The following RB1 variants were observed in gnomAD, a reference collection of about 807,000 sequenced individuals.
RB1 encodes RB transcriptional corepressor 1.
In RB1, 18 loss-of-function variants were observed where a neutral mutation model predicts 135.4. That is an observed-to-expected ratio of 0.13 (90% CI 0.09 to 0.20). The LOEUF (loss-of-function observed/expected upper bound fraction) is 0.20. Among genes scored for constraint, RB1 ranks in the 10% least tolerant of loss-of-function variants. The pLI, the probability that RB1 is intolerant of heterozygous loss-of-function variation, is 1.00. For synonymous variants in RB1, 365 were observed against 373.2 expected (o/e 0.98, Z 0.25); for missense variants, 868 against 1,110.0 (o/e 0.78, Z 3.10).
intron 17 of RB1, among the ~76,000 whole-genome samples, chr13:48,432,610 C>T (rs530922919): frequency 7.4e-4 from 113 of 152,154 alleles, no homozygotes; most frequent in African/African-American, 2.7e-3. Flanking sequence ...TGGTTAGCAT[C>T]CTGTTTACCT....
intron 1 of RB1, 84 bp from the exon 2 acceptor site, chr13:48,307,196 T>A: frequency 8.9e-7 from 1 of 1,117,456 alleles, no homozygotes; most frequent in Non-Finnish European, 1.4e-6. Flanking sequence ...AGTAGTGTTA[T>A]GTGCAAACTA....
chr13:48,321,716 C>T (rs1952243318), intron 2 of RB1, among the ~76,000 whole-genome samples: 2 of 152,072 alleles, frequency 1.3e-5, no homozygotes, highest in Non-Finnish European at 2.9e-5. Flanking sequence ...ATTAGCTGGG[C>T]GTGGTGGCAT....
intron 19 of RB1, among the ~76,000 whole-genome samples, 195 bp from the exon 20 acceptor site, chr13:48,459,493 G>A (rs1006069241): frequency 2.6e-5 from 4 of 152,070 alleles, no homozygotes; most frequent in Non-Finnish European, 4.4e-5. Context: ...TTCTTCATCT[G>A]TATCCCTTGT....
intron 4 of RB1, among the ~76,000 whole-genome samples, chr13:48,346,099 C>CT (rs35882805): frequency 0.8 from 93,729 of 117,088 alleles, 39,422 homozygotes; most frequent in Non-Finnish European, 0.92. Context: ...CATTGGCCAT[C>CT]TTTTTTTTTT....
At chr13:48,477,820 C>T (rs1034475628) in intron 26 of RB1, among the ~76,000 whole-genome samples, 2 of 152,160 alleles carry the variant, frequency 1.3e-5, no homozygotes, top group Non-Finnish European at 2.9e-5. Flanking sequence ...TTTAAACTTT[C>T]CTTATTTGCA....
At chr13:48,415,184 A>G (rs995857543) in intron 17 of RB1, among the ~76,000 whole-genome samples, 17 of 152,106 alleles carry the variant, frequency 1.1e-4, no homozygotes, top group Admixed American at 1.0e-3. Flanking sequence ...AAAATTTATT[A>G]ATTCTACTTG....
At chr13:48,383,564 A>C (rs1369061429) in intron 17 of RB1, among the ~76,000 whole-genome samples, 1 of 152,030 alleles carries the variant, frequency 6.6e-6, no homozygotes. Context: ...TTACGTTTTG[A>C]ATTTTTAATG....
intron 11 of RB1, among the ~76,000 whole-genome samples, chr13:48,369,815 T>C (rs1011627266): frequency 6.6e-6 from 1 of 152,262 alleles, no homozygotes; most frequent in African/African-American, 2.4e-5. Context: ...TTATTTCTCA[T>C]ATCATCCTGT....
intron 17 of RB1, among the ~76,000 whole-genome samples, chr13:48,434,881 T>C (rs1202202627): frequency 2.6e-5 from 4 of 152,262 alleles, no homozygotes; most frequent in Non-Finnish European, 5.9e-5. Context: ...TTCACGATAT[T>C]GCATGTATCA....
intron 11 of RB1, among the ~76,000 whole-genome samples, chr13:48,369,783 T>G (rs1952739120): frequency 1.3e-5 from 2 of 152,230 alleles, no homozygotes; most frequent in Admixed American, 1.3e-4. Flanking sequence ...TTTGAAAAGA[T>G]ATTTCTCTCT....
intron 3 of RB1, among the ~76,000 whole-genome samples, chr13:48,343,958 G>T (rs181806836): frequency 6.6e-6 from 1 of 152,056 alleles, no homozygotes; most frequent in Admixed American, 6.6e-5. Context: ...CCCAGTGTTT[G>T]ATTGGTCCAG....
At position 48,480,117 on chromosome 13, in the gene RB1, T is replaced by C. The variant is rs2138364869; in HGVS notation, c.*46T>C. On this transcript the variant is annotated 3_prime_UTR_variant, in exon 27 of 27. Coordinates refer to ENST00000267163, the MANE Select transcript of RB1 (RefSeq NM_000321.3). ...ACACTGTGTACACCTCTGGATTCATTGTCTCTCACAGATGTGACTGTATAA... is the reference window on the plus strand; with the variant it reads ...ACACTGTGTACACCTCTGGATTCATCGTCTCTCACAGATGTGACTGTATAA... 6.8e-7 allele frequency: 1 copy of C among 1,480,238 alleles called. No individual in the cohort carries two copies. Among genetic ancestry groups the C allele is most frequent in the Non-Finnish European group, 9.4e-7 (1 of 1,061,022 alleles). The allele number at this position is 1,480,238 out of a possible 1,614,324, so 91.7% of individuals were successfully genotyped here. A position where few individuals can be genotyped will look rare whatever the true frequency, so the allele number is the denominator to read the frequency against.
chr13:48,374,248 C>CA (rs1241215712), intron 12 of RB1, among the ~76,000 whole-genome samples: 2 of 152,132 alleles, frequency 1.3e-5, no homozygotes, highest in African/African-American at 4.8e-5. Context: ...CCCCTAAAGA[C>CA]AAGGAGAAAG....
intron 2 of RB1, among the ~76,000 whole-genome samples, chr13:48,316,383 C>T (rs961936847): frequency 6.6e-6 from 1 of 152,058 alleles, no homozygotes; most frequent in Non-Finnish European, 1.5e-5. Context: ...CCTCAGGCTA[C>T]CACTGCAGCC....
intron 17 of RB1, among the ~76,000 whole-genome samples, chr13:48,403,033 T>TA (rs539123750): frequency 5.1e-4 from 78 of 152,170 alleles, no homozygotes; most frequent in South Asian, 3.9e-3. Context: ...TATGTCCTAT[T>TA]AAAATATGAG....
chr13:48,461,122 G>A (rs1279616622), intron 20 of RB1, among the ~76,000 whole-genome samples: 1 of 152,036 alleles, frequency 6.6e-6, no homozygotes, highest in Non-Finnish European at 1.5e-5. Context: ...TTTAGAATTT[G>A]TATCACACCA....
chr13:48,311,978 G>A (rs1464655557), intron 2 of RB1, among the ~76,000 whole-genome samples: 15 of 152,236 alleles, frequency 9.9e-5, no homozygotes, highest in African/African-American at 3.1e-4. Flanking sequence ...TGGCATTACA[G>A]GCGTGAGCCA....
At chr13:48,355,626 T>C (rs556840634) in intron 6 of RB1, among the ~76,000 whole-genome samples, 3 of 152,142 alleles carry the variant, frequency 2.0e-5, no homozygotes, top group Non-Finnish European at 4.4e-5. Flanking sequence ...CTCCTATGTT[T>C]GTTGCAGCAC....
Position 48,319,744 on chromosome 13 carries a change from T to C in RB1, c.264+12338T>C, listed in dbSNP as rs1179643108. ...TCGTTTGGGTCTGGTTTTTTATCTA[T>C]TGACCCCATCACATTTTTGGGTCGC... On this transcript the variant is annotated intron_variant, in intron 2 of 26. Transcript: ENST00000267163. The surrounding 1 kb of genome is among the most constrained non-coding windows in gnomAD (Gnocchi z 5.0). 3.6e-6 allele frequency: 1 copy of C among 276,710 alleles called. No homozygotes were observed. Among genetic ancestry groups the C allele is most frequent in the African/African-American group, 2.3e-5 (1 of 43,984 alleles). 17.1% of individuals were successfully genotyped at this position (276,710 alleles called of 1,614,324 possible). A position where few individuals can be genotyped will look rare whatever the true frequency, so the allele number is the denominator to read the frequency against.
Sources: allele counts gnomAD v4.1 joint callset (sites outside exome capture counted in the v4.1 genomes callset), GRCh38; gene constraint gnomAD v4.1.1; non-coding constraint Gnocchi (gnomAD v3.1); transcripts MANE v1.5; gene names NCBI Gene and HGNC (gene_info 2026-07-23, HGNC 2026-07-21).